Variants in GPC5 observed in about 807,000 individuals in gnomAD.
GPC5 encodes the protein glypican-5.
A neutral mutation model predicts 53.9 loss-of-function variants in GPC5; 47 were observed. That is an observed-to-expected ratio of 0.87 (90% confidence interval 0.69 to 1.11). The LOEUF (loss-of-function observed/expected upper bound fraction) is 1.11, where lower values mean the gene tolerates loss of function less well. Among genes scored for constraint, GPC5 ranks in the 50% most tolerant of loss-of-function variants. The pLI is 0.00. For synonymous variants in GPC5, 286 were observed against 263.3 expected (o/e 1.09, Z -0.84); for missense variants, 748 against 713.1 (o/e 1.05, Z -0.56).
At chr13:91,641,381 A>G (rs1189203581) in intron 2 of GPC5, among the ~76,000 whole-genome samples, 3 of 152,134 alleles carry the variant, frequency 2.0e-5, no homozygotes, top group African/African-American at 7.2e-5. Context: ...CAAACACTGC[A>G]TGTTCTCGTT....
rs147228786 is a variant in GPC5, at chr13:92,113,835, CAAAA to C, written c.1402-30990_1402-30987del. ...TATAAAGAAGAATTAACAAAAAAAACAAAAAAAAGCCACTTGCCCAAAGAAAGAA... is the reference window on the plus strand; with the variant it reads ...TATAAAGAAGAATTAACAAAAAAAACAAAAGCCACTTGCCCAAAGAAAGAA... On this transcript the variant is annotated intron_variant, in intron 6 of 7. Transcript: ENST00000377067. Among the ~76,000 whole-genome samples, 6 of 148,036 alleles carry C rather than the reference CAAAA, an allele frequency of 4.1e-5. No individual in the cohort carries two copies. In the East Asian group the frequency reaches 6.1e-4, roughly 15 times the overall value.
chr13:91,877,189 G>A (rs2039212460), intron 5 of GPC5, among the ~76,000 whole-genome samples: 2 of 152,230 alleles, frequency 1.3e-5, no homozygotes, highest in African/African-American at 4.8e-5. Context: ...GTGTGGAAGG[G>A]AAATGTGGGA....
intron 6 of GPC5, among the ~76,000 whole-genome samples, chr13:92,132,969 A>G (rs2041756257): frequency 6.6e-6 from 1 of 152,152 alleles, no homozygotes; most frequent in Non-Finnish European, 1.5e-5. Context: ...TTTGAGCTAT[A>G]AGACACATAA....
chr13:92,527,172 GAGAAAGAAAGAAGAAAGA>G (rs1881343906), intron 7 of GPC5, among the ~76,000 whole-genome samples: 9 of 60,930 alleles, frequency 1.5e-4, no homozygotes, highest in Non-Finnish European at 2.8e-4. Flanking sequence ...AAGAAAGAAA[GAGAAAGAAAGAAGAAAGA>G]AAGAAAGAAA....
At chr13:91,631,573 C>T (rs1377251587) in intron 2 of GPC5, among the ~76,000 whole-genome samples, 1 of 151,982 alleles carries the variant, frequency 6.6e-6, no homozygotes, top group Non-Finnish European at 1.5e-5. Context: ...ACTGCGTGTG[C>T]CACAGAGCCC....
At chr13:92,277,800 G>C (rs1196253206) in intron 7 of GPC5, among the ~76,000 whole-genome samples, 1 of 151,822 alleles carries the variant, frequency 6.6e-6, no homozygotes, top group Non-Finnish European at 1.5e-5. Context: ...GTGAAAAAGT[G>C]TTAATTCAAT....
intron 6 of GPC5, among the ~76,000 whole-genome samples, chr13:92,006,178 A>G (rs755713436): frequency 5.6e-5 from 7 of 124,826 alleles, no homozygotes; most frequent in Non-Finnish European, 7.4e-5. Flanking sequence ...AACAATATAC[A>G]GTAAGTATTA....
At chr13:92,215,433 T>C (rs2042402955) in intron 7 of GPC5, among the ~76,000 whole-genome samples, 1 of 152,358 alleles carries the variant, frequency 6.6e-6, no homozygotes, top group Admixed American at 6.5e-5. Context: ...CATTTGCTAT[T>C]TGGCAAAGGA....
chr13:92,660,294 T>C (rs1196534818), intron 7 of GPC5, among the ~76,000 whole-genome samples: 2 of 152,146 alleles, frequency 1.3e-5, no homozygotes, highest in Non-Finnish European at 2.9e-5. Flanking sequence ...TACCTAATGC[T>C]TTGATGATGA....
At chr13:91,893,396 A>G (rs1031440208) in intron 5 of GPC5, among the ~76,000 whole-genome samples, 1 of 152,064 alleles carries the variant, frequency 6.6e-6, no homozygotes, top group African/African-American at 2.4e-5. Flanking sequence ...GTTTATCACT[A>G]TATATTTTAT....
At position 91,939,414 on chromosome 13, in the gene GPC5, C is replaced by G. The variant is rs373940531; in HGVS notation, c.1401+31357C>G. 5.3e-5 allele frequency among the ~76,000 whole-genome samples: 8 copies of G among 152,248 alleles called. No individual in the cohort carries two copies. The South Asian group carries it at 1.5e-3, about 28-fold the overall frequency. ...GACGTAGCCAAGGGAGGCTAGAACT[C>G]TAATCTCTAGGTTGAATTCTCTTTC... On this transcript the variant is annotated intron_variant, in intron 6 of 7. Transcript: ENST00000377067.
At chr13:92,263,526 T>A (rs533569524) in intron 7 of GPC5, among the ~76,000 whole-genome samples, 59 of 152,200 alleles carry the variant, frequency 3.9e-4, no homozygotes, top group Non-Finnish European at 7.1e-4. Context: ...ATTCCCTTCT[T>A]AGATCATTTA....
intron 7 of GPC5, among the ~76,000 whole-genome samples, chr13:92,224,077 AAC>A (rs1431434738): frequency 1.3e-5 from 2 of 152,300 alleles, no homozygotes; most frequent in Non-Finnish European, 2.9e-5. Flanking sequence ...TTTGAAACAA[AAC>A]ACAATGCATA....
intron 7 of GPC5, among the ~76,000 whole-genome samples, chr13:92,528,069 T>C (rs1881429308): frequency 6.6e-6 from 1 of 152,124 alleles, no homozygotes. Context: ...GATTGAAATA[T>C]CTGTCTATTC....
intron 7 of GPC5, among the ~76,000 whole-genome samples, chr13:92,184,146 C>G (rs1173108925): frequency 6.6e-6 from 1 of 151,784 alleles, no homozygotes; most frequent in Non-Finnish European, 1.5e-5. Flanking sequence ...TTTGGTTTGG[C>G]TTTTTCTTTT....
At chr13:92,112,108 A>G (rs1343044049) in intron 6 of GPC5, among the ~76,000 whole-genome samples, 1 of 152,138 alleles carries the variant, frequency 6.6e-6, no homozygotes, top group Non-Finnish European at 1.5e-5. Flanking sequence ...TGTTACACAA[A>G]GAGTTTGAGT....
chr13:92,588,277 A>G (rs928766966), intron 7 of GPC5, among the ~76,000 whole-genome samples: 27 of 152,212 alleles, frequency 1.8e-4, no homozygotes, highest in African/African-American at 6.5e-4. Context: ...ATGGCTGCAT[A>G]GTATTCCATG....
intron 5 of GPC5, among the ~76,000 whole-genome samples, chr13:91,802,355 G>C (rs1476519533): frequency 5.9e-5 from 9 of 152,156 alleles, no homozygotes; most frequent in Admixed American, 5.9e-4. Flanking sequence ...TCCTCCCGGT[G>C]GGTTCGTGGT....
At chr13:91,998,177 C>T (rs1411518) in intron 6 of GPC5, among the ~76,000 whole-genome samples, 5,468 of 152,212 alleles carry the variant, frequency 0.036, 272 homozygotes, top group African/African-American at 0.11. Flanking sequence ...ACTTACTGCC[C>T]GTGTAGGGCT....
Sources: allele counts gnomAD v4.1 joint callset (sites outside exome capture counted in the v4.1 genomes callset), GRCh38; gene constraint gnomAD v4.1.1; transcripts MANE v1.5; gene names NCBI Gene and HGNC (gene_info 2026-07-23, HGNC 2026-07-21).